The following DLC1 variants were observed in gnomAD, a reference collection of about 807,000 sequenced individuals.
DLC1 encodes rho GTPase-activating protein 7.
Under a neutral mutation model 140.3 loss-of-function variants are expected in DLC1, and 54 were observed. The observed-to-expected ratio is 0.38, with a 90% CI of 0.31 to 0.48. The LOEUF is 0.48. Among genes scored for constraint, DLC1 ranks in the 20% least tolerant of loss-of-function variants. The pLI is 0.96. For synonymous variants in DLC1, 986 were observed against 728.1 expected, an observed-to-expected ratio of 1.35 and a Z score of -5.70; for missense variants, 2,536 against 1,907.0, an observed-to-expected ratio of 1.33 and a Z score of -6.14.
At chr8:13,151,870 T>G (rs1160938655) in intron 5 of DLC1, among the ~76,000 whole-genome samples, 1 of 152,208 alleles carries the variant, frequency 6.6e-6, no homozygotes, top group Non-Finnish European at 1.5e-5. Context: ...AAAGTTATTT[T>G]TTTTAAAAAA....
At chr8:13,582,130 G>T (rs914612634) in intron 1 of DLC1, among the ~76,000 whole-genome samples, 1 of 152,086 alleles carries the variant, frequency 6.6e-6, no homozygotes, top group African/African-American at 2.4e-5. Context: ...GCCTCTGGAG[G>T]TCATCAAAAA....
intron 4 of DLC1, among the ~76,000 whole-genome samples, chr8:13,357,412 T>A (rs567655525): frequency 7.9e-4 from 121 of 152,234 alleles, no homozygotes; most frequent in Non-Finnish European, 1.4e-3. Context: ...CTTCTGCTGC[T>A]AAGACTCCAG....
chr8:13,094,327 G>A (rs1178015428), intron 12 of DLC1, among the ~76,000 whole-genome samples: 1 of 152,200 alleles, frequency 6.6e-6, no homozygotes, highest in African/African-American at 2.4e-5. Flanking sequence ...AGAAGGTGAT[G>A]ACATGGGTTT....
chr8:13,171,407 G>A (rs1825472046), intron 5 of DLC1, among the ~76,000 whole-genome samples: 1 of 152,150 alleles, frequency 6.6e-6, no homozygotes, highest in Non-Finnish European at 1.5e-5. Flanking sequence ...TTTAGTGACA[G>A]GGTCTTGCTC....
At chr8:13,245,965 G>C (rs1326000124) in intron 5 of DLC1, among the ~76,000 whole-genome samples, 1 of 152,118 alleles carries the variant, frequency 6.6e-6, no homozygotes, top group Non-Finnish European at 1.5e-5. Flanking sequence ...ACCCCTCAAA[G>C]TGCTGGGATT....
chr8:13,157,985 G>C (rs1469488826), intron 5 of DLC1, among the ~76,000 whole-genome samples: 2 of 152,204 alleles, frequency 1.3e-5, no homozygotes, highest in African/African-American at 4.8e-5. Flanking sequence ...TTTGAAACGA[G>C]ATATCATGGG....
rs545529622 is a variant in DLC1, at chr8:13,509,649, G to A, written c.-126+4953C>T. ...TGTTACTTAGAAGCTATCTCCTTTA[G>A]CAGTAATACAAATGTTGTATGAAAC... On this transcript the variant is annotated intron_variant, in intron 1 of 17. Transcript: ENST00000276297. Among the ~76,000 whole-genome samples the A allele has an allele frequency of 2.6e-5, 4 of 152,192 alleles. No homozygotes were observed. In the South Asian group the frequency reaches 6.2e-4, roughly 24 times the overall value.
chr8:13,436,356 G>A (rs1016064395), intron 2 of DLC1, among the ~76,000 whole-genome samples: 4 of 152,184 alleles, frequency 2.6e-5, no homozygotes, highest in South Asian at 2.1e-4. Flanking sequence ...CACTTTTCTC[G>A]AAAATGACAT....
intron 4 of DLC1, among the ~76,000 whole-genome samples, chr8:13,367,750 T>G (rs7820549): frequency 0.16 from 23,956 of 152,204 alleles, 2,133 homozygotes; most frequent in South Asian, 0.24. Flanking sequence ...CTGAAATTGG[T>G]CAATTTCAGG....
At chr8:13,138,203 G>A (rs753990911) in intron 5 of DLC1, among the ~76,000 whole-genome samples, 5 of 152,178 alleles carry the variant, frequency 3.3e-5, no homozygotes, top group Non-Finnish European at 5.9e-5. Flanking sequence ...GACCCTAGTG[G>A]GATGTTGAGA....
rs540535933 is a variant in DLC1 at position 13,309,276 on chromosome 8, T to C, written c.1315-3974A>G. 1.4e-3 allele frequency among the ~76,000 whole-genome samples: 215 copies of C among 152,308 alleles called. 1 individual carries two copies. Among genetic ancestry groups the C allele is most frequent in the South Asian group, 3.5e-3 (17 of 4,826 alleles). ...TTTCTCAATGGAACAAAGGAAAGTCTACAAATGACTTCCAAATGAAAGGGG... is the reference window on the plus strand; with the variant it reads ...TTTCTCAATGGAACAAAGGAAAGTCCACAAATGACTTCCAAATGAAAGGGG... On this transcript the variant is annotated intron_variant, in intron 4 of 17. Transcript: ENST00000276297.
At chr8:13,513,177 T>G (rs1018554524) in intron 1 of DLC1, among the ~76,000 whole-genome samples, 2 of 152,084 alleles carry the variant, frequency 1.3e-5, no homozygotes. Flanking sequence ...CAGGTCACTT[T>G]TAAATCCCAT....
At position 13,526,163 on chromosome 8, in the gene DLC1, C is replaced by A. The variant is rs528785610; in HGVS notation, c.-125-25967G>T. The stretch of plus-strand genomic sequence containing the variant: ...CTGTTTCTAAATTCTCTATTCCATT[C>A]TCTTAATCTATTTTTCTATCGCATA... On this transcript the variant is annotated intron_variant, in intron 1 of 1. Coordinates refer to the DLC1 transcript ENST00000631382. 7.7e-4 allele frequency among the ~76,000 whole-genome samples: 118 copies of A among 152,268 alleles called. 1 individual carries two copies. The highest frequency in any genetic ancestry group is 3.4e-3 in the Middle Eastern group (1 of 292).
intron 15 of DLC1, 184 bp from the exon 16 acceptor site, chr8:13,088,888 A>C: frequency 1.8e-6 from 1 of 559,866 alleles, no homozygotes; most frequent in South Asian, 2.7e-5. Context: ...TCTATGACTT[A>C]AATAGGCTGC....
chr8:13,403,359 T>A (rs531433429), intron 2 of DLC1, among the ~76,000 whole-genome samples: 2 of 152,372 alleles, frequency 1.3e-5, no homozygotes, highest in African/African-American at 4.8e-5. Context: ...GATAGTATGA[T>A]TGTGCTTATA....
chr8:13,397,451 T>C (rs1047545266), intron 3 of DLC1, among the ~76,000 whole-genome samples: 2 of 152,074 alleles, frequency 1.3e-5, no homozygotes, highest in Non-Finnish European at 2.9e-5. Flanking sequence ...TCTGATGCTG[T>C]GGTGAGAGAC....
chr8:13,510,587 A>G (rs1472153322), intron 1 of DLC1, among the ~76,000 whole-genome samples: 2 of 152,224 alleles, frequency 1.3e-5, no homozygotes, highest in Non-Finnish European at 2.9e-5. Context: ...CAGAAACTCA[A>G]AGTAGTTACG....
chr8:13,170,497 A>G (rs536976327), intron 5 of DLC1, among the ~76,000 whole-genome samples: 2,651 of 152,248 alleles, frequency 0.017, 70 homozygotes, highest in African/African-American at 0.059. Flanking sequence ...TTGCGGGGCC[A>G]AGGTGGGCGG....
At chr8:13,151,245 T>C (rs930560432) in intron 5 of DLC1, among the ~76,000 whole-genome samples, 3 of 152,216 alleles carry the variant, frequency 2.0e-5, no homozygotes, top group Non-Finnish European at 4.4e-5. Flanking sequence ...GTCAATTTAA[T>C]GAATTACCAG....
Sources: gnomAD v4.1 joint callset for allele counts (sites outside exome capture counted in the v4.1 genomes callset) on GRCh38, gnomAD v4.1.1 for gene constraint, MANE v1.5 for transcripts, NCBI Gene and HGNC (gene_info 2026-07-23, HGNC 2026-07-21) for gene names.